TRAF3: variants seen among roughly 807,000 people sequenced by gnomAD.
The protein encoded by TRAF3 is TNF receptor associated factor 3, also known as TNF receptor-associated factor 3.
A neutral mutation model predicts 62.3 loss-of-function variants in TRAF3; 13 were observed. The observed-to-expected ratio is 0.21, with a 90% CI of 0.14 to 0.33. The LOEUF (loss-of-function observed/expected upper bound fraction) is 0.33. Ranked by LOEUF, TRAF3 falls within the 10% of genes least tolerant of loss-of-function variation. TRAF3 has a pLI of 1.00. For missense variants in TRAF3, 440 were observed against 741.8 expected, an observed-to-expected ratio of 0.59 and a Z score of 4.73; for synonymous variants, 269 against 283.4, an observed-to-expected ratio of 0.95 and a Z score of 0.51.
chr14:102,829,982 A>G (rs1359464575), intron 1 of TRAF3, among the ~76,000 whole-genome samples: 2 of 152,176 alleles, frequency 1.3e-5, no homozygotes, highest in Non-Finnish European at 2.9e-5. Context: ...GATAAAATAA[A>G]ATAAATAAAT....
intron 1 of TRAF3, among the ~76,000 whole-genome samples, chr14:102,780,845 G>T (rs1027691829): frequency 1.2e-4 from 19 of 152,262 alleles, no homozygotes; most frequent in Admixed American, 1.2e-3. Flanking sequence ...CTTGGCCCCT[G>T]TGCACAGTGA....
At chr14:102,779,574 C>T (rs1261843308) in intron 1 of TRAF3, among the ~76,000 whole-genome samples, 2 of 152,084 alleles carry the variant, frequency 1.3e-5, no homozygotes, top group African/African-American at 2.4e-5. Context: ...TGCAAGAATC[C>T]CTTTAATTTT....
intron 2 of TRAF3, among the ~76,000 whole-genome samples, chr14:102,843,950 G>A (rs1886539867): frequency 6.6e-6 from 1 of 152,202 alleles, no homozygotes; most frequent in South Asian, 2.1e-4. Context: ...ATCATAAAAG[G>A]ATATTAGAAT....
At chr14:102,843,032 A>G (rs928026523) in intron 2 of TRAF3, among the ~76,000 whole-genome samples, 1 of 151,862 alleles carries the variant, frequency 6.6e-6, no homozygotes, top group African/African-American at 2.4e-5. Flanking sequence ...ACATGGTGAA[A>G]CCTCGTCTCT....
intron 2 of TRAF3, among the ~76,000 whole-genome samples, chr14:102,845,180 G>A (rs1250820930): frequency 6.7e-6 from 1 of 149,984 alleles, no homozygotes; most frequent in Non-Finnish European, 1.5e-5. Flanking sequence ...ACAGGCGTGA[G>A]CCACCATGCC....
Position 102,903,798 on chromosome 14 carries a change from C to T in TRAF3, c.1135+369C>T, listed in dbSNP as rs750238823. On this transcript the variant is annotated intron_variant, in intron 11 of 11. Transcript: ENST00000392745. The surrounding 1 kb of genome is among the most constrained non-coding windows in gnomAD (Gnocchi z 6.4). The stretch of plus-strand genomic sequence containing the variant: ...TGGTCGGGGCGCCCCAGACCCCACT[C>T]CTAAGGGCCAGGGGGCAGCAGTCCC... 1 of 481,832 alleles carries T rather than the reference C, an allele frequency of 2.1e-6. No individual in the cohort carries two copies. Among genetic ancestry groups the T allele is most frequent in the South Asian group, 1.5e-5 (1 of 64,782 alleles). 29.8% of individuals were successfully genotyped at this position (481,832 alleles called of 1,614,324 possible).
At chr14:102,904,764 T>C (rs1385970542) in intron 11 of TRAF3, among the ~76,000 whole-genome samples, 2 of 139,906 alleles carry the variant, frequency 1.4e-5, no homozygotes, top group African/African-American at 5.5e-5. Flanking sequence ...GAGCCGAGAT[T>C]GTGCCACTGC....
chr14:102,792,561 T>G (rs1336998346), intron 1 of TRAF3, among the ~76,000 whole-genome samples: 1 of 151,320 alleles, frequency 6.6e-6, no homozygotes, highest in Admixed American at 6.6e-5. Flanking sequence ...TGTGAACCAC[T>G]GTGCCTGGCC....
rs149307143 is a variant in TRAF3 at position 102,785,893 on chromosome 14, G to C, written c.-157+8218G>C. ...GGGATGACAGAGGGTAGATTTCTTT[G>C]TTCTTAGACCTAAGTTGGCCCTTGT... On this transcript the variant is annotated intron_variant, in intron 1 of 11. Coordinates refer to ENST00000392745, the MANE Select transcript of TRAF3 (RefSeq NM_145725.3). Among the ~76,000 whole-genome samples the C allele has an allele frequency of 3.0e-3, 459 of 152,280 alleles. 2 individuals carry two copies. Among genetic ancestry groups the C allele is most frequent in the African/African-American group, 7.4e-3 (306 of 41,558 alleles).
rs901338006 is a variant in TRAF3, at chr14:102,903,084, C to T, written c.961-171C>T. 3.5e-6 allele frequency: 3 copies of T among 859,710 alleles called. No individual in the cohort carries two copies. The African/African-American group carries it at 5.0e-5, about 14-fold the overall frequency. The allele number at this position is 859,710 out of a possible 1,614,324, so 53.3% of individuals were successfully genotyped here. On this transcript the variant is annotated intron_variant, in intron 10 of 11. Coordinates refer to ENST00000392745, the MANE Select transcript of TRAF3 (RefSeq NM_145725.3). The surrounding 1 kb of genome is among the most constrained non-coding windows in gnomAD (Gnocchi z 6.4). ...ACAAGCACTTGATCCCAGGGAGCTC[C>T]CAGGAGGCCTGATGCAGAGCCCCAC...
chr14:102,812,536 G>A (rs1230319273), intron 1 of TRAF3, among the ~76,000 whole-genome samples: 2 of 152,172 alleles, frequency 1.3e-5, no homozygotes, highest in African/African-American at 4.8e-5. Flanking sequence ...GGATCATATG[G>A]TAGTTCTATT....
At chr14:102,782,701 TA>T (rs34834554) in intron 1 of TRAF3, among the ~76,000 whole-genome samples, 76,375 of 146,394 alleles carry the variant, frequency 0.52, 21,631 homozygotes, top group Middle Eastern at 0.73. Context: ...TTTCGAGCAT[TA>T]AAAAAAAAAA....
chr14:102,852,607 C>T (rs1319019488), intron 2 of TRAF3, among the ~76,000 whole-genome samples: 3 of 152,072 alleles, frequency 2.0e-5, no homozygotes, highest in Non-Finnish European at 1.5e-5. Flanking sequence ...TATTGAGATA[C>T]TTAGGATGAC....
intron 1 of TRAF3, among the ~76,000 whole-genome samples, chr14:102,798,446 C>T (rs770657524): frequency 2.0e-5 from 3 of 152,138 alleles, no homozygotes; most frequent in Non-Finnish European, 4.4e-5. Flanking sequence ...TTGAGACCAG[C>T]CTGGGCTTTA....
At position 102,910,405 on chromosome 14, in the gene TRAF3, TC is replaced by T. The variant is rs1387839714; in HGVS notation, c.*4623del. 2.6e-5 allele frequency: 4 copies of T among 152,268 alleles called. No homozygotes were observed. The highest frequency in any genetic ancestry group is 9.6e-5 in the African/African-American group (4 of 41,460). The allele number at this position is 152,268 out of a possible 1,614,324, so 9.4% of individuals were successfully genotyped here. On this transcript the variant is annotated 3_prime_UTR_variant, in exon 12 of 12. Transcript: ENST00000392745. ...TCAGCCCATGACCATAGTTCTGTTT[TC>T]CGTTTGCAAATCTCAGTAGCTCTGT... is the stretch of plus-strand genomic sequence containing the variant.
At chr14:102,793,816 A>G (rs1001913153) in intron 1 of TRAF3, among the ~76,000 whole-genome samples, 1 of 152,244 alleles carries the variant, frequency 6.6e-6, no homozygotes, top group Non-Finnish European at 1.5e-5. Context: ...TTGCTGAATA[A>G]GAAACCACCC....
intron 6 of TRAF3, 109 bp from the exon 7 acceptor site, chr14:102,886,080 G>T: frequency 2.2e-6 from 2 of 911,244 alleles, no homozygotes; most frequent in Non-Finnish European, 3.5e-6. Flanking sequence ...TAACTTAGAG[G>T]ACAGCGATGG....
intron 1 of TRAF3, among the ~76,000 whole-genome samples, chr14:102,811,317 AAG>A (rs1245998035): frequency 6.3e-5 from 9 of 142,428 alleles, no homozygotes; most frequent in African/African-American, 2.3e-4. Context: ...TTTTTTTCTT[AAG>A]AGAGAGTCTT....
In TRAF3 at chr14:102,897,248, A is replaced by G; in HGVS notation, c.820-13A>G. 2 of 1,608,456 alleles carry G rather than the reference A, an allele frequency of 1.2e-6. No homozygotes were observed. On this transcript the variant is annotated splice_polypyrimidine_tract_variant and intron_variant, in intron 9 of 11. Coordinates refer to ENST00000392745, the MANE Select transcript of TRAF3 (RefSeq NM_145725.3). ...CACTTTTGGTTACATTAATTAAAGA[A>G]TTTCTTTTTTAGGTTTCCTTGTTGC...
Sources: allele counts gnomAD v4.1 joint callset (sites outside exome capture counted in the v4.1 genomes callset), GRCh38; gene constraint gnomAD v4.1.1; non-coding constraint Gnocchi (gnomAD v3.1); transcripts MANE v1.5; gene names NCBI Gene and HGNC (gene_info 2026-07-23, HGNC 2026-07-21).